CDH13: variants seen among roughly 807,000 people sequenced by gnomAD.
CDH13 encodes the protein cadherin 13.
CDH13 carries 24 observed loss-of-function variants against 63.8 expected under a neutral mutation model. The observed-to-expected ratio is 0.38, with a 90% confidence interval of 0.27 to 0.53. The LOEUF (loss-of-function observed/expected upper bound fraction) is 0.53, where lower values mean the gene tolerates loss of function less well. Among genes scored for constraint, CDH13 ranks in the 20% least tolerant of loss-of-function variants. The pLI is 0.85. For missense variants in CDH13, 1,049 were observed against 903.1 expected (o/e 1.16, Z -2.07); for synonymous variants, 503 against 355.3 (o/e 1.42, Z -4.67).
chr16:82,775,094 CA>C (rs2035436202), intron 1 of CDH13, among the ~76,000 whole-genome samples: 1 of 152,170 alleles, frequency 6.6e-6, no homozygotes, highest in South Asian at 2.1e-4. Flanking sequence ...ATGTCTCTAC[CA>C]CTCACTTGGG....
At chr16:83,719,648 C>A (rs139017342) in intron 10 of CDH13, among the ~76,000 whole-genome samples, 62 of 152,296 alleles carry the variant, frequency 4.1e-4, no homozygotes, top group African/African-American at 1.2e-3. Flanking sequence ...ATTTAAACCC[C>A]CACGGTGACG....
At chr16:82,791,435 A>G (rs1434245547) in intron 1 of CDH13, among the ~76,000 whole-genome samples, 1 of 152,204 alleles carries the variant, frequency 6.6e-6, no homozygotes, top group Non-Finnish European at 1.5e-5. Flanking sequence ...AGGGGGAGCG[A>G]CAATGATCGG....
chr16:82,695,441 A>T (rs1050483340), intron 1 of CDH13, among the ~76,000 whole-genome samples: 1 of 152,146 alleles, frequency 6.6e-6, no homozygotes, highest in African/African-American at 2.4e-5. Context: ...ATCTGTTCCT[A>T]TATCTCTACC....
intron 13 of CDH13, among the ~76,000 whole-genome samples, chr16:83,787,844 G>A (rs1357643041): frequency 6.6e-6 from 1 of 152,160 alleles, no homozygotes; most frequent in East Asian, 1.9e-4. Flanking sequence ...TCGGGAGGCT[G>A]AGGCAGGAGA....
At chr16:82,972,955 G>C (rs1484521943) in intron 2 of CDH13, among the ~76,000 whole-genome samples, 1 of 152,170 alleles carries the variant, frequency 6.6e-6, no homozygotes, top group Admixed American at 6.5e-5. Flanking sequence ...TTTTTTTAAA[G>C]TGTTCAAAAC....
intron 5 of CDH13, among the ~76,000 whole-genome samples, chr16:83,320,885 G>T (rs2090208900): frequency 1.3e-5 from 2 of 152,156 alleles, no homozygotes; most frequent in South Asian, 4.1e-4. Context: ...GAAGAATTTA[G>T]GAACTGCTGT....
At chr16:83,752,151 A>G (rs961670007) in intron 11 of CDH13, among the ~76,000 whole-genome samples, 87 of 152,376 alleles carry the variant, frequency 5.7e-4, no homozygotes, top group African/African-American at 1.7e-3. Context: ...AAGTATCTGT[A>G]TCTGTGGAGA....
chr16:83,062,962 A>ATTTTTTTTTTTTTTTTTTTTTTTTTTTTT (rs61186735), intron 3 of CDH13, among the ~76,000 whole-genome samples: 1 of 134,090 alleles, frequency 7.5e-6, no homozygotes, highest in Non-Finnish European at 1.6e-5. Flanking sequence ...GGTGGTTGGC[A>ATTTTTTTTTTTTTTTTTTTTTTTTTTTTT]TTTTTTTTTT....
At chr16:83,773,647 A>G (rs2151000960) in intron 11 of CDH13, among the ~76,000 whole-genome samples, 1 of 152,304 alleles carries the variant, frequency 6.6e-6, no homozygotes, top group Middle Eastern at 3.4e-3. Flanking sequence ...GCCAAACCAT[A>G]TCAGGGCTCT....
intron 2 of CDH13, among the ~76,000 whole-genome samples, chr16:82,870,352 C>T (rs2040300413): frequency 1.3e-5 from 2 of 152,096 alleles, no homozygotes; most frequent in Non-Finnish European, 2.9e-5. Context: ...AGGAAACCCT[C>T]ATACACTGTT....
intron 7 of CDH13, among the ~76,000 whole-genome samples, chr16:83,572,175 G>GGGGT (rs1555575571): frequency 1.4e-5 from 2 of 145,586 alleles, no homozygotes; most frequent in Non-Finnish European, 3.0e-5. Flanking sequence ...ACTTTCCTGT[G>GGGGT]GTGTGTGTGT....
chr16:82,823,372 T>C (rs2038096078), intron 1 of CDH13: 1 of 150,582 alleles, frequency 6.6e-6, no homozygotes, highest in Non-Finnish European at 1.5e-5. Flanking sequence ...TTACCTAAAG[T>C]GAAAAGCGTG....
At chr16:82,680,938 C>G (rs929914511) in intron 1 of CDH13, among the ~76,000 whole-genome samples, 4 of 152,164 alleles carry the variant, frequency 2.6e-5, no homozygotes, top group Admixed American at 2.6e-4. Flanking sequence ...TGAGCCAAAT[C>G]TAGTGGAAAG....
At chr16:83,563,493 G>A (rs552842505) in intron 7 of CDH13, among the ~76,000 whole-genome samples, 1 of 152,214 alleles carries the variant, frequency 6.6e-6, no homozygotes, top group Admixed American at 6.5e-5. Context: ...GAGATGTTCA[G>A]AATTTAATGT....
Position 82,697,739 on chromosome 16 carries a change from TTGTGTGTGTGTG to T in CDH13, c.45+70640_45+70651del, listed in dbSNP as rs56791322. Among the ~76,000 whole-genome samples the T allele has an allele frequency of 9.3e-3, 1,363 of 146,672 alleles. 18 individuals carry two copies. The highest frequency in any genetic ancestry group is 0.024 in the African/African-American group (926 of 38,478). On this transcript the variant is annotated intron_variant, in intron 1 of 13. Coordinates refer to ENST00000567109, the MANE Select transcript of CDH13 (RefSeq NM_001257.5). ...CACCGCACCTGGCTGGGCCGAGGCA[TTGTGTGTGTGTG>T]TGTGTGTGTGTGTGTGTGTGTGTGT... is the stretch of plus-strand genomic sequence containing the variant.
At chr16:83,133,812 T>C (rs961048521) in intron 4 of CDH13, among the ~76,000 whole-genome samples, 1 of 152,172 alleles carries the variant, frequency 6.6e-6, no homozygotes, top group African/African-American at 2.4e-5. Flanking sequence ...GGAATTTTAC[T>C]TGATCTCTTT....
chr16:83,269,612 G>T (rs2088736901), intron 5 of CDH13, among the ~76,000 whole-genome samples: 2 of 152,274 alleles, frequency 1.3e-5, no homozygotes, highest in Admixed American at 1.3e-4. Flanking sequence ...AAGAATGAGG[G>T]TTATGTTGTC....
At chr16:83,567,959 G>T (rs190823183) in intron 7 of CDH13, among the ~76,000 whole-genome samples, 3 of 152,226 alleles carry the variant, frequency 2.0e-5, no homozygotes, top group Non-Finnish European at 4.4e-5. Context: ...CCAATTCATC[G>T]CATTCTGCAG....
chr16:82,696,504 G>A (rs1400160011), intron 1 of CDH13, among the ~76,000 whole-genome samples: 1 of 152,164 alleles, frequency 6.6e-6, no homozygotes, highest in Non-Finnish European at 1.5e-5. Flanking sequence ...GTTAAGTTCT[G>A]CACCTTTGGT....
Sources: allele counts gnomAD v4.1 joint callset (sites outside exome capture counted in the v4.1 genomes callset), GRCh38; gene constraint gnomAD v4.1.1; transcripts MANE v1.5; gene names NCBI Gene and HGNC (gene_info 2026-07-23, HGNC 2026-07-21).